Variants in TENM4 observed in about 807,000 individuals in gnomAD.
TENM4 encodes teneurin transmembrane protein 4.
Under a neutral mutation model 243.3 loss-of-function variants are expected in TENM4, and 82 were observed. That is an observed-to-expected ratio of 0.34 (90% CI 0.28 to 0.40). The LOEUF (loss-of-function observed/expected upper bound fraction) is 0.40. Ranked by LOEUF, TENM4 falls within the 10% of genes least tolerant of loss-of-function variation. The probability of loss-of-function intolerance (pLI) is 1.00; values close to 1 mark genes in which losing one functional copy is unlikely to be tolerated. For synonymous variants in TENM4, 1,412 were observed against 1,456.3 expected (o/e 0.97, Z 0.69); for missense variants, 3,138 against 3,673.3 (o/e 0.85, Z 3.77).
intron 2 of TENM4, among the ~76,000 whole-genome samples, chr11:79,288,186 C>T (rs1856290755): frequency 6.6e-6 from 1 of 152,220 alleles, no homozygotes; most frequent in South Asian, 2.1e-4. Flanking sequence ...CCACAGTTCT[C>T]ATTTATCAAA....
chr11:78,798,295 G>C (rs778714955), intron 15 of TENM4, among the ~76,000 whole-genome samples: 1 of 152,178 alleles, frequency 6.6e-6, no homozygotes. Flanking sequence ...TTTTGCTGTC[G>C]ATTGTGACCT....
At chr11:79,023,812 C>T (rs945501060) in intron 6 of TENM4, among the ~76,000 whole-genome samples, 2 of 152,138 alleles carry the variant, frequency 1.3e-5, no homozygotes, top group Non-Finnish European at 2.9e-5. Context: ...TACTGGGGAA[C>T]AAACATGGCT....
intron 6 of TENM4, among the ~76,000 whole-genome samples, chr11:78,964,604 C>T (rs1857401767): frequency 6.6e-6 from 1 of 152,198 alleles, no homozygotes; most frequent in Non-Finnish European, 1.5e-5. Flanking sequence ...GCCTGCCTTC[C>T]CTGACACCAC....
intron 2 of TENM4, among the ~76,000 whole-genome samples, chr11:79,224,844 G>A (rs1403624096): frequency 2.6e-5 from 4 of 152,130 alleles, no homozygotes; most frequent in African/African-American, 9.6e-5. Context: ...TCAGCTACTC[G>A]GGAGGCTGAG....
intron 1 of TENM4, among the ~76,000 whole-genome samples, chr11:79,333,733 T>A (rs1356606426): frequency 6.6e-6 from 1 of 152,230 alleles, no homozygotes; most frequent in African/African-American, 2.4e-5. Context: ...ATGAAGCCAA[T>A]TGTACGTAGT....
intron 12 of TENM4, among the ~76,000 whole-genome samples, chr11:78,826,594 G>A (rs751634791): frequency 9.9e-5 from 15 of 152,008 alleles, no homozygotes; most frequent in Non-Finnish European, 1.8e-4. Context: ...CCTTTGTGAT[G>A]TCTACTCCAG....
intron 16 of TENM4, among the ~76,000 whole-genome samples, chr11:78,786,426 T>C (rs1164754084): frequency 1.3e-5 from 2 of 152,250 alleles, no homozygotes; most frequent in Non-Finnish European, 2.9e-5. Flanking sequence ...AGATAATGCA[T>C]TGGATAATAA....
chr11:79,283,200 TCACACA>T (rs1268133686), intron 2 of TENM4, among the ~76,000 whole-genome samples: 1 of 124,956 alleles, frequency 8.0e-6, no homozygotes, highest in Non-Finnish European at 1.7e-5. Flanking sequence ...GACAAAGACA[TCACACA>T]CACACAAACA....
At chr11:78,893,883 A>AAC (rs1230392952) in intron 7 of TENM4, among the ~76,000 whole-genome samples, 1 of 151,710 alleles carries the variant, frequency 6.6e-6, no homozygotes, top group African/African-American at 2.4e-5. Flanking sequence ...GGAAGTGATA[A>AAC]ACACACACAC....
At chr11:79,024,929 A>G (rs985562640) in intron 6 of TENM4, among the ~76,000 whole-genome samples, 6 of 152,236 alleles carry the variant, frequency 3.9e-5, no homozygotes, top group Non-Finnish European at 8.8e-5. Flanking sequence ...CCAGCATCTT[A>G]GAGAGAGACC....
At chr11:78,877,877 C>G (rs1418479162) in intron 9 of TENM4, among the ~76,000 whole-genome samples, 3 of 152,186 alleles carry the variant, frequency 2.0e-5, no homozygotes, top group African/African-American at 4.8e-5. Flanking sequence ...GCCTGAGAAT[C>G]ATTTCATCTC....
intron 2 of TENM4, among the ~76,000 whole-genome samples, chr11:79,292,585 G>A (rs547904834): frequency 5.3e-5 from 8 of 152,318 alleles, no homozygotes; most frequent in Middle Eastern, 3.4e-3. Context: ...GATTTGAATG[G>A]TAGCTTCCCA....
At chr11:78,862,570 C>G (rs537794235) in intron 10 of TENM4, among the ~76,000 whole-genome samples, 2 of 152,222 alleles carry the variant, frequency 1.3e-5, no homozygotes. Flanking sequence ...CTTTCCATTA[C>G]AACACCCCAT....
At chr11:78,875,743 T>C (rs896377983) in intron 9 of TENM4, among the ~76,000 whole-genome samples, 4 of 152,194 alleles carry the variant, frequency 2.6e-5, no homozygotes, top group Non-Finnish European at 5.9e-5. Flanking sequence ...ATGGTGCCCC[T>C]GTTTGCACTT....
At chr11:79,029,600 C>T (rs1250191322) in intron 6 of TENM4, among the ~76,000 whole-genome samples, 2 of 152,104 alleles carry the variant, frequency 1.3e-5, no homozygotes, top group Admixed American at 1.3e-4. Context: ...GAGTGGAAGG[C>T]CCAAGAGAAC....
intron 19 of TENM4, among the ~76,000 whole-genome samples, chr11:78,754,421 C>T (rs1393255012): frequency 6.6e-6 from 1 of 152,114 alleles, no homozygotes; most frequent in Non-Finnish European, 1.5e-5. Flanking sequence ...CAGGAAGTGA[C>T]CAGGAGGACA....
chr11:79,299,361 T>C (rs1037690280), intron 1 of TENM4, among the ~76,000 whole-genome samples: 1 of 152,198 alleles, frequency 6.6e-6, no homozygotes, highest in Non-Finnish European at 1.5e-5. Context: ...GGCCTCTGCT[T>C]GCCTGCTTCT....
chr11:78,805,282 CTGCATTT>C lies in TENM4; in HGVS notation c.2179+3_2179+9del. On this transcript the variant is annotated splice_donor_5th_base_variant and intron_variant, in intron 15 of 33. Transcript: ENST00000278550. ...CCCTCTACCCATGCTTCTTCTCCCC[CTGCATTT>C]ACCGATAGAACAGTCGTGTCCAGTC... 4 of 995,522 alleles carry C rather than the reference CTGCATTT, an allele frequency of 4.0e-6. No homozygotes were observed. Among genetic ancestry groups the C allele is most frequent in the East Asian group, 5.3e-5 (1 of 19,014 alleles). The allele number at this position is 995,522 out of a possible 1,614,324, so 61.7% of individuals were successfully genotyped here. A position where few individuals can be genotyped will look rare whatever the true frequency, so the allele number is the denominator to read the frequency against.
chr11:78,958,876 A>G (rs1398985959), intron 6 of TENM4, among the ~76,000 whole-genome samples: 2 of 152,246 alleles, frequency 1.3e-5, no homozygotes, highest in African/African-American at 4.8e-5. Context: ...GGTGGTCTCC[A>G]AGGTCTCAAA....
Sources: allele counts gnomAD v4.1 joint callset (sites outside exome capture counted in the v4.1 genomes callset), GRCh38; gene constraint gnomAD v4.1.1; transcripts MANE v1.5; gene names NCBI Gene and HGNC (gene_info 2026-07-23, HGNC 2026-07-21).